AKT3: variants seen among roughly 807,000 people sequenced by gnomAD.
The protein encoded by AKT3 is AKT serine/threonine kinase 3, also known as RAC-gamma serine/threonine-protein kinase.
A neutral mutation model predicts 65.3 loss-of-function variants in AKT3; 15 were observed. The ratio of observed to expected loss-of-function variants is 0.23; its 90% CI spans 0.15 to 0.35. The LOEUF (loss-of-function observed/expected upper bound fraction) is 0.35. Among genes scored for constraint, AKT3 ranks in the 10% least tolerant of loss-of-function variants. The pLI, the probability that AKT3 is intolerant of heterozygous loss-of-function variation, is 1.00. For missense variants in AKT3, 243 were observed against 576.5 expected, an observed-to-expected ratio of 0.42 and a Z score of 5.92; for synonymous variants, 206 against 183.8, an observed-to-expected ratio of 1.12 and a Z score of -0.98.
At chr1:243,592,307 C>A (rs567454360) in intron 8 of AKT3, among the ~76,000 whole-genome samples, 1 of 151,912 alleles carries the variant, frequency 6.6e-6, no homozygotes, top group African/African-American at 2.4e-5. Flanking sequence ...TGCACTCCAG[C>A]CTGGGCGACA....
At chr1:243,831,047 G>T (rs954233013) in intron 2 of AKT3, among the ~76,000 whole-genome samples, 4 of 152,144 alleles carry the variant, frequency 2.6e-5, no homozygotes, top group African/African-American at 9.7e-5. Flanking sequence ...GATCTAGTCT[G>T]TGTTTCCTAC....
chr1:243,572,628 A>G (rs541473081), intron 9 of AKT3, among the ~76,000 whole-genome samples: 1 of 152,342 alleles, frequency 6.6e-6, no homozygotes, highest in African/African-American at 2.4e-5. Context: ...AAACATAATA[A>G]AACTTGTTTT....
intron 2 of AKT3, among the ~76,000 whole-genome samples, chr1:243,769,514 T>C (rs911681792): frequency 1.3e-5 from 2 of 152,238 alleles, no homozygotes; most frequent in African/African-American, 4.8e-5. Flanking sequence ...ATATCTCACA[T>C]GATTTTAATT....
intron 2 of AKT3, among the ~76,000 whole-genome samples, chr1:243,746,900 G>T (rs578066938): frequency 5.9e-5 from 9 of 152,062 alleles, no homozygotes; most frequent in East Asian, 1.9e-4. Context: ...ATGAACATGG[G>T]GGGTGGGGGG....
intron 3 of AKT3, among the ~76,000 whole-genome samples, chr1:243,694,586 T>A (rs186192029): frequency 7.0e-4 from 107 of 152,038 alleles, no homozygotes; most frequent in Non-Finnish European, 1.0e-3. Context: ...CTTTTAACCC[T>A]TTGGTTTATT....
rs1669204163 is a variant in AKT3 at position 243,500,707 on chromosome 1, A to G, written c.*4542T>C. On this transcript the variant is annotated 3_prime_UTR_variant, in exon 14 of 14. Transcript: ENST00000673466. ...AGCCATCATCCTCATCACCATCTCA[A>G]CACAGAGCTGATGTCACCATATGCT... 2 of 226,468 alleles carry G rather than the reference A, an allele frequency of 8.8e-6. No individual in the cohort carries two copies. The highest frequency in any genetic ancestry group is 6.3e-5 in the East Asian group (1 of 15,754). The allele number at this position is 226,468 out of a possible 1,614,324, so 14.0% of individuals were successfully genotyped here.
chr1:243,718,288 C>T (rs962650266), intron 2 of AKT3, among the ~76,000 whole-genome samples: 7 of 152,100 alleles, frequency 4.6e-5, no homozygotes, highest in Non-Finnish European at 8.8e-5. Flanking sequence ...CACAAGCCAA[C>T]GATTGTATGC....
intron 10 of AKT3, among the ~76,000 whole-genome samples, chr1:243,558,492 A>T (rs1470263259): frequency 1.3e-5 from 2 of 152,110 alleles, no homozygotes; most frequent in Non-Finnish European, 2.9e-5. Context: ...TGGGGTTCTA[A>T]AAAACTAAAA....
chr1:243,804,645 G>C (rs904872707), intron 2 of AKT3, among the ~76,000 whole-genome samples: 4 of 152,086 alleles, frequency 2.6e-5, no homozygotes, highest in Admixed American at 2.0e-4. Flanking sequence ...AGAAGATCGA[G>C]ACCATCCTGG....
At chr1:243,818,735 A>G (rs1183269583) in intron 2 of AKT3, among the ~76,000 whole-genome samples, 2 of 152,134 alleles carry the variant, frequency 1.3e-5, no homozygotes, top group African/African-American at 4.8e-5. Context: ...AGGCGCCAAG[A>G]TGGCCAAATA....
chr1:243,779,266 G>A (rs556044963), intron 2 of AKT3, among the ~76,000 whole-genome samples: 1 of 152,142 alleles, frequency 6.6e-6, no homozygotes, highest in South Asian at 2.1e-4. Context: ...TTCCAGAAAC[G>A]AGAAGATACA....
chr1:243,585,674 G>T (rs1413131459), intron 8 of AKT3, among the ~76,000 whole-genome samples: 1 of 152,114 alleles, frequency 6.6e-6, no homozygotes. Context: ...TGCTTCGACA[G>T]CTGGTGAGCC....
At chr1:243,607,637 G>A (rs1677526023) in intron 8 of AKT3, among the ~76,000 whole-genome samples, 1 of 152,158 alleles carries the variant, frequency 6.6e-6, no homozygotes, top group Non-Finnish European at 1.5e-5. Flanking sequence ...TTGGGATATT[G>A]CTGAAATGAA....
intron 1 of AKT3, among the ~76,000 whole-genome samples, chr1:243,849,368 C>T (rs1214441533): frequency 1.3e-4 from 19 of 150,996 alleles, no homozygotes; most frequent in East Asian, 5.9e-4. Context: ...AAGCACGTTA[C>T]CCACCTCCCA....
chr1:243,795,581 C>T (rs1028503981), intron 2 of AKT3, among the ~76,000 whole-genome samples: 22 of 145,486 alleles, frequency 1.5e-4, no homozygotes, highest in African/African-American at 5.5e-4. Context: ...ACGCCATTCT[C>T]CTGCCTCAGC....
chr1:243,653,576 C>T (rs1423952965), intron 4 of AKT3, among the ~76,000 whole-genome samples: 1 of 152,184 alleles, frequency 6.6e-6, no homozygotes, highest in Admixed American at 6.5e-5. Context: ...GTCTCTTCTG[C>T]CACTTTTGAG....
chr1:243,639,930 T>C (rs1010241239), intron 5 of AKT3, among the ~76,000 whole-genome samples: 6 of 152,182 alleles, frequency 3.9e-5, no homozygotes, highest in East Asian at 1.9e-4. Flanking sequence ...TTTTTGACAA[T>C]ACCAAAATGA....
chr1:243,813,346 T>C (rs974992078), intron 2 of AKT3, among the ~76,000 whole-genome samples: 49 of 152,170 alleles, frequency 3.2e-4, no homozygotes, highest in African/African-American at 7.5e-4. Flanking sequence ...ACAAGTGATA[T>C]AAAACCCTCA....
chr1:243,562,271 T>C (rs1282284495), intron 10 of AKT3, among the ~76,000 whole-genome samples: 1 of 152,118 alleles, frequency 6.6e-6, no homozygotes, highest in Non-Finnish European at 1.5e-5. Context: ...CTGTCTACAA[T>C]AGGTAAATCT....
Sources: gnomAD v4.1 joint callset for allele counts (sites outside exome capture counted in the v4.1 genomes callset) on GRCh38, gnomAD v4.1.1 for gene constraint, MANE v1.5 for transcripts, NCBI Gene and HGNC (gene_info 2026-07-23, HGNC 2026-07-21) for gene names.